Variants in HPSE2 observed in about 807,000 individuals in gnomAD.
HPSE2 encodes heparanase 2 (inactive), also known as inactive heparanase-2.
A neutral mutation model predicts 60.5 loss-of-function variants in HPSE2; 38 were observed. The observed-to-expected ratio is 0.63, with a 90% confidence interval of 0.48 to 0.82. The LOEUF is 0.82. HPSE2 is among the 40% of genes least tolerant of loss of function. The pLI is 0.00. For missense variants in HPSE2, 713 were observed against 740.4 expected (o/e 0.96, Z 0.43); for synonymous variants, 295 against 293.2 (o/e 1.01, Z -0.06).
At position 98,474,737 on chromosome 10, in the gene HPSE2, C is replaced by T. The variant is rs541122535; in HGVS notation, c.1613+7899G>A. 2.4e-4 allele frequency among the ~76,000 whole-genome samples: 37 copies of T among 152,142 alleles called. No homozygotes were observed. The South Asian group carries it at 7.5e-3, about 31-fold the overall frequency. ...AGATTTTTTTCAGCTAAAGGAGAGG[C>T]TCATGCAGATCTGAAATTTAAACAT... On this transcript the variant is annotated intron_variant, in intron 11 of 11. Coordinates refer to ENST00000370552, the MANE Select transcript of HPSE2 (RefSeq NM_021828.5).
chr10:99,079,098 G>T (rs900354973), intron 3 of HPSE2, among the ~76,000 whole-genome samples: 1 of 152,090 alleles, frequency 6.6e-6, no homozygotes, highest in Admixed American at 6.6e-5. Context: ...CATGGAAAGC[G>T]GCTATGAGAG....
At chr10:99,281,527 T>A in the HPSE2 span, among the ~76,000 whole-genome samples, 2 of 152,054 alleles carry the variant, frequency 1.3e-5, no homozygotes, top group African/African-American at 4.8e-5. Flanking sequence ...CCATTCTTGA[T>A]TATTTCATTT....
At chr10:98,570,552 T>C (rs866577158) in intron 9 of HPSE2, among the ~76,000 whole-genome samples, 1 of 152,088 alleles carries the variant, frequency 6.6e-6, no homozygotes, top group Middle Eastern at 3.4e-3. Context: ...ATTTTTTCCC[T>C]TTTTTTGACC....
chr10:99,181,452 T>C (rs967104914), intron 2 of HPSE2, among the ~76,000 whole-genome samples: 5 of 148,212 alleles, frequency 3.4e-5, no homozygotes, highest in African/African-American at 1.2e-4. Flanking sequence ...TATGGCACTG[T>C]CCACAATAGC....
chr10:99,004,806 T>C (rs1348425465), intron 3 of HPSE2, among the ~76,000 whole-genome samples: 1 of 152,200 alleles, frequency 6.6e-6, no homozygotes, highest in African/African-American at 2.4e-5. Flanking sequence ...GAACTACCTT[T>C]AGTATGTTGT....
chr10:98,594,329 A>G (rs1945172401), intron 9 of HPSE2, among the ~76,000 whole-genome samples: 1 of 152,002 alleles, frequency 6.6e-6, no homozygotes, highest in Non-Finnish European at 1.5e-5. Flanking sequence ...CCCATGATAT[A>G]CACCATTATA....
chr10:98,650,765 T>G (rs908159057), intron 6 of HPSE2, among the ~76,000 whole-genome samples: 6 of 152,196 alleles, frequency 3.9e-5, no homozygotes, highest in African/African-American at 1.4e-4. Flanking sequence ...CACATATCAG[T>G]AGGAGGCAGC....
chr10:98,988,182 A>G (rs1220818283), intron 3 of HPSE2, among the ~76,000 whole-genome samples: 16 of 152,268 alleles, frequency 1.1e-4, no homozygotes, highest in African/African-American at 3.6e-4. Context: ...AGTCCGCATC[A>G]CCAAGGCAAT....
chr10:98,948,938 T>A (rs1001539222), intron 3 of HPSE2, among the ~76,000 whole-genome samples: 1 of 152,176 alleles, frequency 6.6e-6, no homozygotes, highest in African/African-American at 2.4e-5. Context: ...ATATAAAATA[T>A]GTGTTAACTG....
chr10:98,989,659 G>GA (rs34373829), intron 3 of HPSE2, among the ~76,000 whole-genome samples: 6 of 150,202 alleles, frequency 4.0e-5, no homozygotes, highest in African/African-American at 4.9e-5. Flanking sequence ...AAAAAAAAAA[G>GA]AAAAAAAACT....
chr10:98,475,430 T>C (rs1042101618), intron 11 of HPSE2, among the ~76,000 whole-genome samples: 5 of 151,922 alleles, frequency 3.3e-5, no homozygotes, highest in Non-Finnish European at 7.3e-5. Context: ...GGGACCATAA[T>C]TCTTTTAAAA....
At chr10:98,540,872 G>A (rs1943436232) in intron 9 of HPSE2, among the ~76,000 whole-genome samples, 1 of 152,196 alleles carries the variant, frequency 6.6e-6, no homozygotes, top group Admixed American at 6.5e-5. Flanking sequence ...GAGGAAATAT[G>A]AGGATAATTA....
chr10:98,938,327 G>C (rs1954873902), intron 3 of HPSE2, among the ~76,000 whole-genome samples: 1 of 144,168 alleles, frequency 6.9e-6, no homozygotes. Flanking sequence ...AGGCAAAGAA[G>C]TTAAAAACTT....
At chr10:98,614,361 C>T (rs1050044493) in intron 9 of HPSE2, among the ~76,000 whole-genome samples, 6 of 150,588 alleles carry the variant, frequency 4.0e-5, no homozygotes, top group East Asian at 3.9e-4. Context: ...GGCACCATCT[C>T]GGCTCACTGC....
At chr10:98,934,750 G>C (rs1035743988) in intron 3 of HPSE2, among the ~76,000 whole-genome samples, 1 of 143,416 alleles carries the variant, frequency 7.0e-6, no homozygotes, top group Non-Finnish European at 1.5e-5. Flanking sequence ...TGATGATTAT[G>C]TGCCTTGGGG....
chr10:98,766,434 T>C (rs1029430744), intron 3 of HPSE2, among the ~76,000 whole-genome samples: 22 of 152,300 alleles, frequency 1.4e-4, no homozygotes, highest in Admixed American at 1.2e-3. Flanking sequence ...CTTAATGCAT[T>C]TTGAGGCCAG....
chr10:98,459,087 C>A lies in HPSE2; in HGVS notation c.*487G>T, dbSNP rs1458964038. 1 of 221,916 alleles carries A rather than the reference C, an allele frequency of 4.5e-6. No homozygotes were observed. Among genetic ancestry groups the A allele is most frequent in the Non-Finnish European group, 9.0e-6 (1 of 110,848 alleles). 13.7% of individuals were successfully genotyped at this position (221,916 alleles called of 1,614,324 possible). A position where few individuals can be genotyped will look rare whatever the true frequency, so the allele number is the denominator to read the frequency against. ...AAGAGATGTGTCAAAAAACTCAGGG[C>A]AGCAGCAAGAAAGAGGCAGAGAAGA... On this transcript the variant is annotated 3_prime_UTR_variant, in exon 12 of 12. Transcript: ENST00000370552.
chr10:99,132,867 C>T (rs1472597418), intron 3 of HPSE2, among the ~76,000 whole-genome samples: 2 of 152,146 alleles, frequency 1.3e-5, no homozygotes, highest in Non-Finnish European at 2.9e-5. Flanking sequence ...CCCAATGGTG[C>T]CTGAAACGCC....
rs992775029 is a variant in HPSE2 at position 98,603,708 on chromosome 10, G to A, written c.1320+11196C>T. On this transcript the variant is annotated intron_variant, in intron 9 of 11. Coordinates refer to ENST00000370552, the MANE Select transcript of HPSE2 (RefSeq NM_021828.5). ...CTCCCAAAGTGCTGGGATTACAGGTGTGAGCCACCGTGCCTGGCCTCTGTT... is the reference window on the plus strand; with the variant it reads ...CTCCCAAAGTGCTGGGATTACAGGTATGAGCCACCGTGCCTGGCCTCTGTT... Among the ~76,000 whole-genome samples, 4 of 152,190 alleles carry A rather than the reference G, an allele frequency of 2.6e-5. No homozygotes were observed. The South Asian group carries it at 8.3e-4, about 32-fold the overall frequency.
Sources: allele counts gnomAD v4.1 joint callset (sites outside exome capture counted in the v4.1 genomes callset), GRCh38; gene constraint gnomAD v4.1.1; transcripts MANE v1.5; gene names NCBI Gene and HGNC (gene_info 2026-07-23, HGNC 2026-07-21).